GRIA1: variants seen among roughly 807,000 people sequenced by gnomAD.
GRIA1 encodes the protein glutamate ionotropic receptor AMPA type subunit 1, also known as glutamate receptor 1.
Under a neutral mutation model 99.2 loss-of-function variants are expected in GRIA1, and 31 were observed. That is an observed-to-expected ratio of 0.31 (90% CI 0.23 to 0.42). The LOEUF is 0.42. Among genes scored for constraint, GRIA1 ranks in the 10% least tolerant of loss-of-function variants. GRIA1 has a pLI of 1.00. For synonymous variants in GRIA1, 438 were observed against 432.4 expected, an observed-to-expected ratio of 1.01 and a Z score of -0.16; for missense variants, 782 against 1,157.5, an observed-to-expected ratio of 0.68 and a Z score of 4.71.
At chr5:153,750,715 C>T (rs945609555) in intron 11 of GRIA1, among the ~76,000 whole-genome samples, 5 of 152,134 alleles carry the variant, frequency 3.3e-5, no homozygotes, top group African/African-American at 1.2e-4. Context: ...ACTCTGCCAG[C>T]CACTTTGCTA....
At chr5:153,788,584 C>T (rs1162672461) in intron 13 of GRIA1, among the ~76,000 whole-genome samples, 1 of 152,212 alleles carries the variant, frequency 6.6e-6, no homozygotes, top group Non-Finnish European at 1.5e-5. Context: ...ATGTCACTTC[C>T]TCAGACCCAT....
chr5:153,684,872 C>T (rs558293920), intron 7 of GRIA1, among the ~76,000 whole-genome samples: 7 of 152,302 alleles, frequency 4.6e-5, no homozygotes, highest in Admixed American at 2.0e-4. Flanking sequence ...AAAATTTGCT[C>T]AGTGCTCTGG....
At chr5:153,599,477 T>C (rs913437298) in intron 2 of GRIA1, among the ~76,000 whole-genome samples, 1 of 152,182 alleles carries the variant, frequency 6.6e-6, no homozygotes, top group African/African-American at 2.4e-5. Context: ...TTAAGTCCTT[T>C]ATATAACATG....
chr5:153,590,078 A>G (rs1483390950), intron 2 of GRIA1, among the ~76,000 whole-genome samples: 3 of 152,208 alleles, frequency 2.0e-5, no homozygotes, highest in Non-Finnish European at 4.4e-5. Flanking sequence ...TTGGTTTTAT[A>G]GTTTTAAGAT....
chr5:153,706,136 T>TTTGTTTG (rs1554116521), intron 11 of GRIA1, 69 bp downstream of exon 11: 6 of 572,906 alleles, frequency 1.0e-5, no homozygotes, highest in Non-Finnish European at 1.0e-5. Flanking sequence ...TTGTTTGTTT[T>TTTGTTTG]TTAAATACTG....
At chr5:153,802,597 C>A in intron 15 of GRIA1, 107 bp downstream of exon 15, 1 of 1,084,334 alleles carries the variant, frequency 9.2e-7, no homozygotes, top group South Asian at 1.4e-5. Context: ...TGGTTGAGGT[C>A]AGCACAAGAC....
intron 13 of GRIA1, among the ~76,000 whole-genome samples, chr5:153,785,355 G>A (rs977689182): frequency 3.9e-5 from 6 of 152,058 alleles, no homozygotes; most frequent in East Asian, 1.9e-4. Flanking sequence ...AGAGTTCCTC[G>A]AAGGCCCTTC....
intron 2 of GRIA1, among the ~76,000 whole-genome samples, chr5:153,533,135 C>A (rs1000447953): frequency 6.6e-6 from 1 of 152,152 alleles, no homozygotes; most frequent in Non-Finnish European, 1.5e-5. Context: ...TCTGAGCTGA[C>A]CTTAAAGATA....
rs568334978 is a variant in GRIA1 at position 153,765,093 on chromosome 5, A to G, written c.2022+461A>G. Among the ~76,000 whole-genome samples, 61 of 152,030 alleles carry G rather than the reference A, an allele frequency of 4.0e-4. No homozygotes were observed. In the South Asian group the frequency reaches 0.011, roughly 28 times the overall value. On this transcript the variant is annotated intron_variant, in intron 12 of 15. Coordinates refer to ENST00000285900, the MANE Select transcript of GRIA1 (RefSeq NM_000827.4). ...TAGTATATGGGAAAAAAAAAACTGG[A>G]AAAGGTGATCTATTAAATGGTGCCA...
At chr5:153,772,812 C>G (rs531417805) in intron 13 of GRIA1, among the ~76,000 whole-genome samples, 1 of 152,222 alleles carries the variant, frequency 6.6e-6, no homozygotes, top group East Asian at 1.9e-4. Flanking sequence ...TTTTATAGTT[C>G]CAGGAACATC....
At chr5:153,778,097 GAT>G (rs1386592704) in intron 13 of GRIA1, among the ~76,000 whole-genome samples, 3 of 151,938 alleles carry the variant, frequency 2.0e-5, no homozygotes, top group Non-Finnish European at 4.4e-5. Flanking sequence ...TAAAAGGAGA[GAT>G]AGAAAAAAAT....
At chr5:153,589,527 C>T (rs922498211) in intron 2 of GRIA1, among the ~76,000 whole-genome samples, 16 of 152,092 alleles carry the variant, frequency 1.1e-4, no homozygotes, top group Admixed American at 2.0e-4. Context: ...ATACTGAAAT[C>T]GGCCACCCAG....
chr5:153,789,225 T>C (rs769188349), intron 13 of GRIA1, among the ~76,000 whole-genome samples: 82 of 152,062 alleles, frequency 5.4e-4, no homozygotes, highest in Non-Finnish European at 9.8e-4. Flanking sequence ...TGTTGTCTAA[T>C]AATGAGTGCC....
chr5:153,672,208 C>T lies in GRIA1; in HGVS notation c.700-2292C>T, dbSNP rs116244118. Among the ~76,000 whole-genome samples the T allele has an allele frequency of 4.5e-3, 679 of 152,288 alleles. 1 individual carries two copies. Among genetic ancestry groups the T allele is most frequent in the Non-Finnish European group, 7.5e-3 (509 of 68,012 alleles). Reference sequence around the variant, plus strand: ...GTCATGCCATGCAGGGGAGAGGATTCTGGGGCACTTATCTACTGACTCTTC... The same window carrying T: ...GTCATGCCATGCAGGGGAGAGGATTTTGGGGCACTTATCTACTGACTCTTC... On this transcript the variant is annotated intron_variant, in intron 5 of 15. Coordinates refer to ENST00000285900, the MANE Select transcript of GRIA1 (RefSeq NM_000827.4).
chr5:153,563,006 T>C (rs957647078), intron 2 of GRIA1, among the ~76,000 whole-genome samples: 2 of 151,876 alleles, frequency 1.3e-5, no homozygotes, highest in Non-Finnish European at 2.9e-5. Context: ...TGAAACCCCG[T>C]CTCTACTAAA....
At chr5:153,534,747 A>AT (rs1167700992) in intron 2 of GRIA1, among the ~76,000 whole-genome samples, 2 of 152,134 alleles carry the variant, frequency 1.3e-5, no homozygotes, top group Admixed American at 6.5e-5. Context: ...ATGAAGTTGG[A>AT]TTTTAACTCC....
At chr5:153,666,793 C>T (rs1297794647) in intron 5 of GRIA1, among the ~76,000 whole-genome samples, 1 of 152,114 alleles carries the variant, frequency 6.6e-6, no homozygotes, top group Non-Finnish European at 1.5e-5. Context: ...AGGTTTGATA[C>T]GTGTTAGGTA....
At chr5:153,549,622 G>T (rs1759944977) in intron 2 of GRIA1, among the ~76,000 whole-genome samples, 1 of 152,138 alleles carries the variant, frequency 6.6e-6, no homozygotes, top group Non-Finnish European at 1.5e-5. Flanking sequence ...AATGGCCAAA[G>T]AATGGACTGT....
chr5:153,490,510 C>T (rs543665008), upstream of GRIA1: 8 of 251,852 alleles, frequency 3.2e-5, no homozygotes, highest in East Asian at 4.2e-4. Flanking sequence ...CAAGCTAGCT[C>T]GGTGGGTATT....
Sources: gnomAD v4.1 joint callset for allele counts (sites outside exome capture counted in the v4.1 genomes callset) on GRCh38, gnomAD v4.1.1 for gene constraint, MANE v1.5 for transcripts, NCBI Gene and HGNC (gene_info 2026-07-23, HGNC 2026-07-21) for gene names.